The following PPP2R5E variants were observed in gnomAD, a reference collection of about 807,000 sequenced individuals.
The protein encoded by PPP2R5E is serine/threonine-protein phosphatase 2A 56 kDa regulatory subunit epsilon isoform.
A neutral mutation model predicts 65.3 loss-of-function variants in PPP2R5E; 4 were observed. The ratio of observed to expected loss-of-function variants is 0.06; its 90% CI spans 0.03 to 0.14. The LOEUF (loss-of-function observed/expected upper bound fraction) is 0.14, where lower values mean the gene tolerates loss of function less well. Among genes scored for constraint, PPP2R5E ranks in the 10% least tolerant of loss-of-function variants. The pLI, the probability that PPP2R5E is intolerant of heterozygous loss-of-function variation, is 1.00. For synonymous variants in PPP2R5E, 183 were observed against 187.4 expected, an observed-to-expected ratio of 0.98 and a Z score of 0.19; for missense variants, 274 against 556.1, an observed-to-expected ratio of 0.49 and a Z score of 5.10.
chr14:63,497,276 T>C (rs139824549), intron 2 of PPP2R5E, among the ~76,000 whole-genome samples: 1 of 152,182 alleles, frequency 6.6e-6, no homozygotes, highest in East Asian at 1.9e-4. Context: ...ACTTGCAAGA[T>C]CTCTAGCCAA....
intron 5 of PPP2R5E, among the ~76,000 whole-genome samples, chr14:63,406,045 C>T (rs1295379533): frequency 2.0e-5 from 3 of 152,104 alleles, no homozygotes. Context: ...TCAAGTGAGC[C>T]AGTCATACTA....
intron 3 of PPP2R5E, among the ~76,000 whole-genome samples, chr14:63,430,413 A>ATACATACATACATACATG (rs1566696778): frequency 4.9e-5 from 7 of 143,474 alleles, no homozygotes; most frequent in African/African-American, 1.6e-4. Flanking sequence ...ATACATACAT[A>ATACATACATACATACATG]CATACATGCA....
intron 2 of PPP2R5E, among the ~76,000 whole-genome samples, chr14:63,497,175 C>T (rs369215692): frequency 6.6e-6 from 1 of 152,206 alleles, no homozygotes. Flanking sequence ...CATGCAATAC[C>T]TATATGATAC....
chr14:63,472,666 G>A (rs965822353), intron 2 of PPP2R5E, among the ~76,000 whole-genome samples: 7 of 152,234 alleles, frequency 4.6e-5, no homozygotes, highest in African/African-American at 1.4e-4. Context: ...AATAAACAAA[G>A]GAAAGGTGGA....
rs145974456 is a variant in PPP2R5E at position 63,499,516 on chromosome 14, G to C, written c.157+40013C>G. ...GAGGTGGGTGGATCACCTGAAGTCA[G>C]GAGTTCGAGACCAGCCTGGCCAACA... On this transcript the variant is annotated intron_variant, in intron 2 of 13. Transcript: ENST00000337537. 8.1e-3 allele frequency among the ~76,000 whole-genome samples: 1,227 copies of C among 152,258 alleles called. 45 individuals are homozygous for C. The East Asian group carries it at 0.11, about 14-fold the overall frequency.
chr14:63,476,103 A>G (rs189984194), intron 2 of PPP2R5E, among the ~76,000 whole-genome samples: 9 of 152,360 alleles, frequency 5.9e-5, no homozygotes, highest in Non-Finnish European at 1.0e-4. Flanking sequence ...CAAAAAAAGT[A>G]AAAGCATTAA....
At chr14:63,427,523 C>T (rs1167463120) in intron 3 of PPP2R5E, among the ~76,000 whole-genome samples, 3 of 152,028 alleles carry the variant, frequency 2.0e-5, no homozygotes, top group Non-Finnish European at 4.4e-5. Context: ...GGGCTGGGAG[C>T]AGTGACTCAT....
chr14:63,540,120 T>A, intron 1 of PPP2R5E, among the ~76,000 whole-genome samples: 1 of 120,852 alleles, frequency 8.3e-6, no homozygotes, highest in Admixed American at 9.4e-5. Context: ...CAGAGTGAGA[T>A]TCCGTCCTTT....
chr14:63,396,365 G>A (rs147486951), intron 6 of PPP2R5E, among the ~76,000 whole-genome samples: 96 of 111,814 alleles, frequency 8.6e-4, no homozygotes, highest in Non-Finnish European at 9.9e-4. Flanking sequence ...AGGAGAAGAT[G>A]GGGGAGGAGA....
intron 2 of PPP2R5E, among the ~76,000 whole-genome samples, chr14:63,529,943 C>T (rs1235566795): frequency 1.3e-5 from 2 of 152,094 alleles, no homozygotes; most frequent in African/African-American, 4.8e-5. Context: ...AGGGTAGATG[C>T]ATATGTGCAC....
chr14:63,518,685 A>G (rs1892760361), intron 2 of PPP2R5E, among the ~76,000 whole-genome samples: 1 of 152,230 alleles, frequency 6.6e-6, no homozygotes, highest in Non-Finnish European at 1.5e-5. Flanking sequence ...ACAATATCAT[A>G]AAATACAATA....
At chr14:63,480,100 A>G (rs966654712) in intron 2 of PPP2R5E, among the ~76,000 whole-genome samples, 1 of 152,174 alleles carries the variant, frequency 6.6e-6, no homozygotes, top group African/African-American at 2.4e-5. Flanking sequence ...CCTTTTACCA[A>G]TCTTACTCCA....
At chr14:63,521,161 C>A (rs927224031) in intron 2 of PPP2R5E, among the ~76,000 whole-genome samples, 6 of 152,190 alleles carry the variant, frequency 3.9e-5, no homozygotes, top group African/African-American at 1.4e-4. Context: ...TATACCATTT[C>A]TAGAACATCT....
In PPP2R5E at chr14:63,372,305, T is replaced by C. The variant is rs1459685786; in HGVS notation, c.*3704A>G. On this transcript the variant is annotated 3_prime_UTR_variant, in exon 14 of 14. Transcript: ENST00000337537. Reference sequence around the variant, plus strand: ...TCTTTTAGGTTTTCAAAATTAAATATAGAGGAATATAAAATGCAATGCCAA... The same window carrying C: ...TCTTTTAGGTTTTCAAAATTAAATACAGAGGAATATAAAATGCAATGCCAA... 2 of 152,168 alleles carry C rather than the reference T, an allele frequency of 1.3e-5. No individual in the cohort carries two copies. The highest frequency in any genetic ancestry group is 2.9e-5 in the Non-Finnish European group (2 of 68,024). The allele number at this position is 152,168 out of a possible 1,614,324, so 9.4% of individuals were successfully genotyped here. A position where few individuals can be genotyped will look rare whatever the true frequency, so the allele number is the denominator to read the frequency against.
At chr14:63,531,107 G>A (rs889520936) in intron 2 of PPP2R5E, among the ~76,000 whole-genome samples, 3 of 152,218 alleles carry the variant, frequency 2.0e-5, no homozygotes, top group African/African-American at 7.2e-5. Context: ...GGCGGAGGTT[G>A]CAGAGAGCCA....
At chr14:63,503,485 C>T (rs1460032751) in intron 2 of PPP2R5E, among the ~76,000 whole-genome samples, 1 of 152,104 alleles carries the variant, frequency 6.6e-6, no homozygotes, top group Admixed American at 6.5e-5. Flanking sequence ...ATCAACAACT[C>T]CAACCAATTT....
At chr14:63,398,709 G>C (rs1885552467) in intron 5 of PPP2R5E, among the ~76,000 whole-genome samples, 1 of 152,162 alleles carries the variant, frequency 6.6e-6, no homozygotes, top group African/African-American at 2.4e-5. Context: ...AGAATTGCTT[G>C]AACCTGGGAG....
At chr14:63,503,165 C>G (rs1594948350) in intron 2 of PPP2R5E, among the ~76,000 whole-genome samples, 1 of 151,528 alleles carries the variant, frequency 6.6e-6, no homozygotes, top group African/African-American at 2.4e-5. Context: ...TTTTTTTTAA[C>G]TACTGTATGT....
At chr14:63,527,361 A>G (rs533694715) in intron 2 of PPP2R5E, among the ~76,000 whole-genome samples, 5 of 152,292 alleles carry the variant, frequency 3.3e-5, no homozygotes, top group African/African-American at 1.2e-4. Context: ...TTTTGCTTTA[A>G]AAGTATAATT....
Sources: gnomAD v4.1 joint callset for allele counts (sites outside exome capture counted in the v4.1 genomes callset) on GRCh38, gnomAD v4.1.1 for gene constraint, MANE v1.5 for transcripts, NCBI Gene and HGNC (gene_info 2026-07-23, HGNC 2026-07-21) for gene names.